Variants in ZNF875 observed in about 807,000 individuals in gnomAD.
The protein encoded by ZNF875 is zinc finger protein 875.
Under a neutral mutation model 11.2 loss-of-function variants are expected in ZNF875, and 14 were observed. The ratio of observed to expected loss-of-function variants is 1.26; its 90% CI spans 0.83 to 1.96. ZNF875 has a LOEUF of 1.96. ZNF875 is among the 30% of genes most tolerant of loss of function. The pLI, the probability that ZNF875 is intolerant of heterozygous loss-of-function variation, is 0.00. For synonymous variants in ZNF875, 301 were observed against 281.1 expected, an observed-to-expected ratio of 1.07 and a Z score of -0.71; for missense variants, 752 against 760.4, an observed-to-expected ratio of 0.99 and a Z score of 0.13.
chr19:37,352,302 T>A (rs541231352), intron 4 of ZNF875, among the ~76,000 whole-genome samples: 10 of 152,110 alleles, frequency 6.6e-5, no homozygotes, highest in Non-Finnish European at 1.5e-4. Flanking sequence ...GGCTTGGAGA[T>A]GCCACGACCA....
At position 37,363,629 on chromosome 19, in the gene ZNF875, T is replaced by A; in HGVS notation, c.1777T>A (p.Cys593Ser). The part of the protein sequence containing the change: ...AGGKPHVCRE[C>S]GQGFSRQSHL... ...GGGGAAGCCTCATGTGTGCAGGGAGTGTGGGCAAGGCTTTAGCCGGCAGTC... is the reference window on the plus strand; with the variant it reads ...GGGGAAGCCTCATGTGTGCAGGGAGAGTGGGCAAGGCTTTAGCCGGCAGTC... Residue 593 changes from cysteine to serine, a missense_variant, in exon 5 of 5, where the codon TGT becomes AGT. Coordinates refer to ENST00000392153, the MANE Select transcript of ZNF875 (RefSeq NM_001353803.2). 1 of 1,613,632 alleles carries A rather than the reference T, an allele frequency of 6.2e-7. No individual in the cohort carries two copies. Among genetic ancestry groups the A allele is most frequent in the Non-Finnish European group, 8.5e-7 (1 of 1,179,854 alleles).
At chr19:37,359,472 C>A in intron 4 of ZNF875, 1 of 289,258 alleles carries the variant, frequency 3.5e-6, no homozygotes, top group South Asian at 2.7e-5. Flanking sequence ...GGTGTTATAT[C>A]GGCTCACTGC....
upstream of ZNF875, among the ~76,000 whole-genome samples, chr19:37,330,731 AATCTTTAAT>A (rs2033238500): frequency 2.0e-5 from 3 of 152,168 alleles, no homozygotes; most frequent in African/African-American, 7.2e-5. Flanking sequence ...ATTTAAAATT[AATCTTTAAT>A]AACTTTTTTG....
At chr19:37,339,714 G>C (rs949429567) in intron 2 of ZNF875, among the ~76,000 whole-genome samples, 1 of 151,424 alleles carries the variant, frequency 6.6e-6, no homozygotes, top group African/African-American at 2.4e-5. Context: ...ACAGGTGCCC[G>C]CCACCACACC....
intron 4 of ZNF875, among the ~76,000 whole-genome samples, chr19:37,325,766 A>G (rs2032331142): frequency 6.6e-6 from 1 of 151,900 alleles, no homozygotes; most frequent in Non-Finnish European, 1.5e-5. Context: ...GGAGTGCAGT[A>G]GCACAATCTT....
At chr19:37,346,106 T>C (rs2036704614) in intron 2 of ZNF875, among the ~76,000 whole-genome samples, 1 of 152,104 alleles carries the variant, frequency 6.6e-6, no homozygotes, top group Non-Finnish European at 1.5e-5. Flanking sequence ...TAGAAATGAA[T>C]ATAATGTATT....
At chr19:37,343,841 A>G (rs1325758514) in intron 2 of ZNF875, among the ~76,000 whole-genome samples, 2 of 152,160 alleles carry the variant, frequency 1.3e-5, no homozygotes, top group Non-Finnish European at 2.9e-5. Context: ...CACTGGTTAG[A>G]TACAATGCTT....
At chr19:37,332,262 T>G (rs1380657793), upstream of ZNF875, among the ~76,000 whole-genome samples, 4 of 149,010 alleles carry the variant, frequency 2.7e-5, no homozygotes, top group Admixed American at 2.7e-4. Flanking sequence ...GTTCCCCGGG[T>G]CCCCTTATTT....
chr19:37,344,929 TC>T, intron 2 of ZNF875: 2 of 636,278 alleles, frequency 3.1e-6, no homozygotes, highest in South Asian at 3.4e-5. Context: ...CCTTTTTCTC[TC>T]CAGTGTTTAA....
intron 3 of ZNF875, 126 bp from the exon 4 acceptor site, chr19:37,347,651 C>A: frequency 1.5e-6 from 1 of 663,442 alleles, no homozygotes; most frequent in African/African-American, 1.8e-5. Flanking sequence ...CCTTCTACTT[C>A]AGAGAGAGAA....
intron 2 of ZNF875, chr19:37,344,712 A>G (rs777105569): frequency 6.2e-6 from 10 of 1,613,872 alleles, no homozygotes; most frequent in South Asian, 2.2e-5. Context: ...AGTGTCTACA[A>G]TGCTCCCTAC....
intron 4 of ZNF875, chr19:37,358,042 A>G (rs2039217834): frequency 3.0e-6 from 1 of 338,962 alleles, no homozygotes; most frequent in African/African-American, 2.2e-5. Context: ...ATTTTGAGGT[A>G]TGTTCCTTTG....
intron 2 of ZNF875, among the ~76,000 whole-genome samples, chr19:37,323,079 A>G (rs2031787397): frequency 6.6e-6 from 1 of 151,508 alleles, no homozygotes; most frequent in Non-Finnish European, 1.5e-5. Flanking sequence ...CCTGCGTTAT[A>G]GTGTGTGGAG....
intron 4 of ZNF875, among the ~76,000 whole-genome samples, chr19:37,353,512 T>C (rs1280851992): frequency 2.0e-5 from 3 of 152,246 alleles, no homozygotes; most frequent in Non-Finnish European, 2.9e-5. Flanking sequence ...ACATTTCTTA[T>C]GCTCTTCACT....
At chr19:37,347,962 T>A in intron 4 of ZNF875, 90 bp downstream of exon 4, 4 of 750,558 alleles carry the variant, frequency 5.3e-6, no homozygotes, top group Non-Finnish European at 9.4e-6. Context: ...AAGAAGCTCT[T>A]CTTCAGGCCT....
chr19:37,330,169 G>A (rs2033156763), upstream of ZNF875, among the ~76,000 whole-genome samples: 1 of 151,754 alleles, frequency 6.6e-6, no homozygotes, highest in Admixed American at 6.6e-5. Flanking sequence ...ATATATTTAT[G>A]GGGTACAAAA....
chr19:37,327,198 G>A (rs2032611206), intron 4 of ZNF875, among the ~76,000 whole-genome samples: 3 of 151,466 alleles, frequency 2.0e-5, no homozygotes, highest in Admixed American at 1.3e-4. Flanking sequence ...TCACCATGTT[G>A]GCCAGGCTGG....
At chr19:37,327,647 C>G (rs1007784547) in intron 4 of ZNF875, among the ~76,000 whole-genome samples, 1 of 151,514 alleles carries the variant, frequency 6.6e-6, no homozygotes, top group African/African-American at 2.4e-5. Context: ...GGCCTGTAAT[C>G]CCAGCTACTT....
At chr19:37,327,908 G>A (rs2032769854) in intron 4 of ZNF875, among the ~76,000 whole-genome samples, 1 of 152,106 alleles carries the variant, frequency 6.6e-6, no homozygotes, top group Non-Finnish European at 1.5e-5. Flanking sequence ...GTGCTCGAAT[G>A]GAAAATGATG....
Sources: gnomAD v4.1 joint callset for allele counts (sites outside exome capture counted in the v4.1 genomes callset) on GRCh38, gnomAD v4.1.1 for gene constraint, MANE v1.5 for transcripts, NCBI Gene and HGNC (gene_info 2026-07-23, HGNC 2026-07-21) for gene names.